FERMT2: variants seen among roughly 807,000 people sequenced by gnomAD.
The protein encoded by FERMT2 is fermitin family homolog 2.
FERMT2 carries 15 observed loss-of-function variants against 82.7 expected under a neutral mutation model. The ratio of observed to expected loss-of-function variants is 0.18; its 90% CI spans 0.12 to 0.28. The LOEUF is 0.28. Among genes scored for constraint, FERMT2 ranks in the 10% least tolerant of loss-of-function variants. The pLI, the probability that FERMT2 is intolerant of heterozygous loss-of-function variation, is 1.00. For synonymous variants in FERMT2, 274 were observed against 271.5 expected (o/e 1.01, Z -0.09); for missense variants, 645 against 809.4 (o/e 0.80, Z 2.46).
At chr14:52,928,712 C>T (rs1349835182) in intron 2 of FERMT2, among the ~76,000 whole-genome samples, 1 of 152,184 alleles carries the variant, frequency 6.6e-6, no homozygotes, top group Non-Finnish European at 1.5e-5. Context: ...TGAGAATCCT[C>T]CTCCTTCTCA....
intron 2 of FERMT2, among the ~76,000 whole-genome samples, chr14:52,935,015 A>G (rs1005081336): frequency 2.0e-5 from 3 of 152,228 alleles, no homozygotes; most frequent in Admixed American, 6.5e-5. Flanking sequence ...AGAGTTAGCC[A>G]GCAAGTTTTG....
At chr14:52,908,634 T>C (rs752658137) in intron 3 of FERMT2, among the ~76,000 whole-genome samples, 8 of 152,126 alleles carry the variant, frequency 5.3e-5, no homozygotes, top group Non-Finnish European at 8.8e-5. Flanking sequence ...AGATAAATGG[T>C]TGGCAGAGGT....
Position 52,914,910 on chromosome 14 carries a change from ACT to A in FERMT2, c.391+4211_391+4212del, listed in dbSNP as rs1176873654. Among the ~76,000 whole-genome samples, 6 of 152,178 alleles carry A rather than the reference ACT, an allele frequency of 3.9e-5. No homozygotes were observed. The East Asian group carries it at 1.2e-3, about 29-fold the overall frequency. ...ACTCCAGACTGGGTGACAGAGGGAG[ACT>A]CTGTCTCAAAATAAATACATAACAA... On this transcript the variant is annotated intron_variant, in intron 3 of 14. Transcript: ENST00000341590.
chr14:52,910,062 A>T lies in FERMT2; in HGVS notation c.391+9061T>A, dbSNP rs541901310. ...GCGAGACTCCATCTCAAAAATAAAT[A>T]AATTAATTAAAATAGAGTAAATAAA... On this transcript the variant is annotated intron_variant, in intron 3 of 14. Coordinates refer to ENST00000341590, the MANE Select transcript of FERMT2 (RefSeq NM_006832.3). 3.3e-3 allele frequency among the ~76,000 whole-genome samples: 508 copies of T among 152,324 alleles called. 5 individuals are homozygous for T. The highest frequency in any genetic ancestry group is 0.011 in the African/African-American group (466 of 41,570).
chr14:52,901,191 G>A (rs1419728477), intron 3 of FERMT2, among the ~76,000 whole-genome samples: 1 of 141,632 alleles, frequency 7.1e-6, no homozygotes, highest in Non-Finnish European at 1.5e-5. Context: ...TGAGGCAGGA[G>A]AATGGCTTGA....
intron 2 of FERMT2, 88 bp downstream of exon 2, chr14:52,950,324 A>G: frequency 5.1e-6 from 7 of 1,368,816 alleles, no homozygotes; most frequent in Non-Finnish European, 7.1e-6. Context: ...AGATTTCTCA[A>G]ATGGGCCCCT....
At chr14:52,873,424 A>C (rs1160822082) in intron 9 of FERMT2, among the ~76,000 whole-genome samples, 1 of 152,234 alleles carries the variant, frequency 6.6e-6, no homozygotes, top group Non-Finnish European at 1.5e-5. Flanking sequence ...TTGCCACTCC[A>C]ATATCAAACA....
At chr14:52,950,678 A>G (rs1249199836) in intron 1 of FERMT2, 101 bp from the exon 2 acceptor site, 29 of 1,248,292 alleles carry the variant, frequency 2.3e-5, no homozygotes, top group Non-Finnish European at 3.0e-5. Flanking sequence ...GAGGTGGTGG[A>G]GGACCCGGGG....
intron 12 of FERMT2, among the ~76,000 whole-genome samples, chr14:52,864,001 G>C (rs1293105584): frequency 6.8e-6 from 1 of 147,512 alleles, no homozygotes; most frequent in African/African-American, 2.4e-5. Context: ...AAATGATAAA[G>C]ATTTTTTTTT....
chr14:52,947,892 A>G (rs544779665), intron 2 of FERMT2, among the ~76,000 whole-genome samples: 3 of 152,238 alleles, frequency 2.0e-5, no homozygotes, highest in Non-Finnish European at 4.4e-5. Flanking sequence ...CTTCAGGGAA[A>G]TAATTGCTGC....
At chr14:52,880,702 C>G (rs1176753115) in intron 6 of FERMT2, among the ~76,000 whole-genome samples, 2 of 152,008 alleles carry the variant, frequency 1.3e-5, no homozygotes, top group Non-Finnish European at 2.9e-5. Flanking sequence ...CCGGCCTAAA[C>G]TTTGCCAGTT....
chr14:52,875,069 T>G (rs1248052169), intron 8 of FERMT2, among the ~76,000 whole-genome samples, 154 bp downstream of exon 8: 1 of 152,122 alleles, frequency 6.6e-6, no homozygotes, highest in African/African-American at 2.4e-5. Context: ...TAAACCACTT[T>G]GCTCAAAGTT....
intron 2 of FERMT2, among the ~76,000 whole-genome samples, chr14:52,923,243 T>C (rs1359831483): frequency 6.6e-6 from 1 of 151,978 alleles, no homozygotes; most frequent in East Asian, 1.9e-4. Flanking sequence ...TACATAATTT[T>C]ATATAAAGTT....
intron 3 of FERMT2, among the ~76,000 whole-genome samples, chr14:52,898,149 G>A (rs149119460): frequency 7.3e-4 from 111 of 152,262 alleles, no homozygotes; most frequent in African/African-American, 2.4e-3. Context: ...TGTGACCACA[G>A]AGTAGGTAAA....
Position 52,881,018 on chromosome 14 carries a change from C to T in FERMT2, c.855+18G>A. On this transcript the variant is annotated intron_variant, in intron 6 of 14. Coordinates refer to ENST00000341590, the MANE Select transcript of FERMT2 (RefSeq NM_006832.3). ...AATTAATGGGGAAAAAAAAAAGATC[C>T]CTTTAAACCCTCGGTACCTTTGGAT... 2.0e-6 allele frequency: 3 copies of T among 1,511,586 alleles called. No individual in the cohort carries two copies. The highest frequency in any genetic ancestry group is 2.7e-6 in the Non-Finnish European group (3 of 1,104,954). The allele number at this position is 1,511,586 out of a possible 1,614,324, so 93.6% of individuals were successfully genotyped here.
chr14:52,880,887 CT>C (rs1886254539), intron 6 of FERMT2, 148 bp downstream of exon 6: 1 of 544,026 alleles, frequency 1.8e-6, no homozygotes, highest in Non-Finnish European at 3.2e-6. Flanking sequence ...ATACAAATAC[CT>C]TTGCCTAAAA....
At chr14:52,906,813 A>G (rs1458795833) in intron 3 of FERMT2, among the ~76,000 whole-genome samples, 2 of 152,118 alleles carry the variant, frequency 1.3e-5, no homozygotes, top group Non-Finnish European at 2.9e-5. Context: ...ATTTCAGGAT[A>G]CATCATAATC....
At chr14:52,862,535 G>C (rs541722273) in intron 12 of FERMT2, 2 of 152,710 alleles carry the variant, frequency 1.3e-5, no homozygotes, top group South Asian at 4.1e-4. Flanking sequence ...TGGAGTGGCA[G>C]TGCGTGCCTG....
At chr14:52,894,965 G>A (rs1238251141) in intron 3 of FERMT2, among the ~76,000 whole-genome samples, 2 of 150,792 alleles carry the variant, frequency 1.3e-5, no homozygotes, top group Non-Finnish European at 2.9e-5. Context: ...GCATACAGTG[G>A]GACAACATAT....
Sources: gnomAD v4.1 joint callset for allele counts (sites outside exome capture counted in the v4.1 genomes callset) on GRCh38, gnomAD v4.1.1 for gene constraint, MANE v1.5 for transcripts, NCBI Gene and HGNC (gene_info 2026-07-23, HGNC 2026-07-21) for gene names.